The following RIMS1 variants were observed in gnomAD, a reference collection of about 807,000 sequenced individuals.
RIMS1 encodes the protein regulating synaptic membrane exocytosis 1.
In RIMS1, 83 loss-of-function variants were observed where a neutral mutation model predicts 214.1. That is an observed-to-expected ratio of 0.39 (90% confidence interval 0.32 to 0.47). RIMS1 has a LOEUF of 0.47. Ranked by LOEUF, RIMS1 falls within the 20% of genes least tolerant of loss-of-function variation. The pLI is 0.99. For synonymous variants in RIMS1, 793 were observed against 786.8 expected (o/e 1.01, Z -0.13); for missense variants, 2,050 against 2,161.8 (o/e 0.95, Z 1.03).
intron 1 of RIMS1, among the ~76,000 whole-genome samples, chr6:71,948,613 T>C (rs974337231): frequency 1.3e-5 from 2 of 152,214 alleles, no homozygotes; most frequent in Non-Finnish European, 2.9e-5. Context: ...GTTGTGAAGA[T>C]TTAATGCTCT....
intron 2 of RIMS1, among the ~76,000 whole-genome samples, chr6:72,071,438 C>T (rs1317522115): frequency 1.3e-5 from 2 of 151,990 alleles, no homozygotes; most frequent in African/African-American, 4.8e-5. Context: ...CTTGGAGAAA[C>T]AGTAAGTTAG....
At chr6:72,025,934 T>A (rs1249845349) in intron 2 of RIMS1, among the ~76,000 whole-genome samples, 1 of 152,170 alleles carries the variant, frequency 6.6e-6, no homozygotes, top group African/African-American at 2.4e-5. Flanking sequence ...TACAGATGGA[T>A]CTCTCCATGG....
rs139036998 is a variant in RIMS1, at chr6:72,397,552, T to C, written c.4619-697T>C. 3.4e-3 allele frequency among the ~76,000 whole-genome samples: 524 copies of C among 152,338 alleles called. 5 individuals carry two copies. The highest frequency in any genetic ancestry group is 0.022 in the Admixed American group (329 of 15,302). ...GCATGGAATTTTTGGATGTCCATAC[T>C]ATTAGATATGAAAATTTAAAATCTT... On this transcript the variant is annotated intron_variant, in intron 31 of 33. Coordinates refer to ENST00000521978, the MANE Select transcript of RIMS1 (RefSeq NM_014989.7).
chr6:71,928,282 G>T lies in RIMS1; in HGVS notation c.165-40701G>T, dbSNP rs141175062. Among the ~76,000 whole-genome samples, 692 of 152,020 alleles carry T rather than the reference G, an allele frequency of 4.6e-3. 5 individuals are homozygous for T. The highest frequency in any genetic ancestry group is 0.016 in the African/African-American group (648 of 41,496). On this transcript the variant is annotated intron_variant, in intron 1 of 33. Coordinates refer to ENST00000521978, the MANE Select transcript of RIMS1 (RefSeq NM_014989.7). ...TTTAAAAGATTTAACAGTATACCCC[G>T]ATCATCCTTTTATTCAGAATGTGTA...
chr6:72,246,891 A>T (rs139763947), intron 11 of RIMS1, among the ~76,000 whole-genome samples: 11 of 152,354 alleles, frequency 7.2e-5, no homozygotes, highest in African/African-American at 2.6e-4. Flanking sequence ...TACCTGGGAA[A>T]AGACACATAG....
At chr6:72,153,304 A>T (rs543090266) in intron 4 of RIMS1, among the ~76,000 whole-genome samples, 3 of 151,934 alleles carry the variant, frequency 2.0e-5, no homozygotes, top group Non-Finnish European at 4.4e-5. Context: ...AAATTCTAGA[A>T]CTGAATCAGG....
chr6:72,322,956 C>T (rs1043576556), intron 28 of RIMS1, among the ~76,000 whole-genome samples: 1 of 152,064 alleles, frequency 6.6e-6, no homozygotes, highest in African/African-American at 2.4e-5. Context: ...CAAAAAGCAG[C>T]AGCTGGAAGG....
At chr6:71,909,539 C>G (rs906264808) in intron 1 of RIMS1, among the ~76,000 whole-genome samples, 1 of 152,050 alleles carries the variant, frequency 6.6e-6, no homozygotes, top group Non-Finnish European at 1.5e-5. Context: ...CCTCTAGGGT[C>G]TCTGAGTTTT....
At chr6:71,960,479 A>G (rs1792608692) in intron 1 of RIMS1, among the ~76,000 whole-genome samples, 1 of 152,172 alleles carries the variant, frequency 6.6e-6, no homozygotes, top group Admixed American at 6.6e-5. Context: ...TCTTTAGTGG[A>G]AAATAAAATG....
At chr6:72,244,741 G>A (rs574020755) in intron 10 of RIMS1, among the ~76,000 whole-genome samples, 276 of 151,882 alleles carry the variant, frequency 1.8e-3, no homozygotes, top group Middle Eastern at 6.8e-3. Flanking sequence ...TTTTTAGGAA[G>A]TATAAATTAT....
chr6:72,054,314 A>G (rs1359777457), intron 2 of RIMS1, among the ~76,000 whole-genome samples: 7 of 152,016 alleles, frequency 4.6e-5, no homozygotes, highest in African/African-American at 1.7e-4. Flanking sequence ...CATTTTCTTT[A>G]TGCAGTCTAT....
chr6:72,262,334 A>G, intron 19 of RIMS1: 1 of 966,118 alleles, frequency 1.0e-6, no homozygotes, highest in Non-Finnish European at 1.2e-6. Context: ...CTGTATGTTG[A>G]CTTTGCATTT....
At chr6:72,116,922 G>T (rs1190697883) in intron 4 of RIMS1, among the ~76,000 whole-genome samples, 1 of 151,954 alleles carries the variant, frequency 6.6e-6, no homozygotes, top group Non-Finnish European at 1.5e-5. Flanking sequence ...TTGTAAGTGT[G>T]TGTGTATATC....
Position 72,337,991 on chromosome 6 carries a change from T to C in RIMS1, c.4366+4156T>C, listed in dbSNP as rs1342278409. On this transcript the variant is annotated intron_variant, in intron 29 of 33. Transcript: ENST00000521978. ...ACATTTCCTTAATCCAATCTATCAT[T>C]GTTGGACATTTAGGTTGGTTCCAAG... 2.0e-5 allele frequency among the ~76,000 whole-genome samples: 3 copies of C among 151,864 alleles called. No homozygotes were observed. In the East Asian group the frequency reaches 5.8e-4, roughly 30 times the overall value.
At chr6:72,249,577 C>G (rs1037052320) in intron 12 of RIMS1, among the ~76,000 whole-genome samples, 1 of 152,010 alleles carries the variant, frequency 6.6e-6, no homozygotes, top group Non-Finnish European at 1.5e-5. Context: ...TCAAGACTAG[C>G]CTGGCAACAT....
intron 4 of RIMS1, among the ~76,000 whole-genome samples, chr6:72,124,018 A>G (rs2038980347): frequency 6.6e-6 from 1 of 151,756 alleles, no homozygotes; most frequent in African/African-American, 2.4e-5. Context: ...TGTCATTATG[A>G]TGTTAGCTGG....
At chr6:72,038,118 A>AAAAAAATAT (rs1820399900) in intron 2 of RIMS1, among the ~76,000 whole-genome samples, 1 of 13,418 alleles carries the variant, frequency 7.5e-5, no homozygotes, top group Non-Finnish European at 1.2e-4. Context: ...AAAAAAAAAA[A>AAAAAAATAT]ATATATATAT....
At chr6:72,359,125 A>C (rs913413928) in intron 29 of RIMS1, among the ~76,000 whole-genome samples, 10 of 152,222 alleles carry the variant, frequency 6.6e-5, no homozygotes, top group Non-Finnish European at 1.2e-4. Context: ...AGGCCAAAGA[A>C]AGAGGCTAAC....
intron 19 of RIMS1, chr6:72,263,110 T>G (rs1447119308): frequency 2.0e-6 from 2 of 983,534 alleles, no homozygotes; most frequent in Admixed American, 1.2e-4. Flanking sequence ...CTATGAGATG[T>G]TTCACCAATA....
Sources: allele counts gnomAD v4.1 joint callset (sites outside exome capture counted in the v4.1 genomes callset), GRCh38; gene constraint gnomAD v4.1.1; transcripts MANE v1.5; gene names NCBI Gene and HGNC (gene_info 2026-07-23, HGNC 2026-07-21).